The following ADGRA2 variants were observed in gnomAD, a reference collection of about 807,000 sequenced individuals.
ADGRA2 encodes the protein adhesion G protein-coupled receptor A2, also known as G-protein coupled receptor 124.
Under a neutral mutation model 98.7 loss-of-function variants are expected in ADGRA2, and 61 were observed. That is an observed-to-expected ratio of 0.62 (90% CI 0.50 to 0.76). ADGRA2 has a LOEUF of 0.76. Ranked by LOEUF, ADGRA2 falls within the 30% of genes least tolerant of loss-of-function variation. ADGRA2 has a pLI of 0.00. For synonymous variants in ADGRA2, 858 were observed against 831.5 expected (o/e 1.03, Z -0.55); for missense variants, 1,712 against 1,860.0 (o/e 0.92, Z 1.46).
chr8:37,833,001 TC>T lies in ADGRA2; in HGVS notation c.1098-3del. Reference sequence around the variant, plus strand: ...CGGTTCATCGGCAACTTCCTGCCTCTCCCCCCAGGTGGCCCCGAACTCTGGC... The same window carrying T: ...CGGTTCATCGGCAACTTCCTGCCTCTCCCCCAGGTGGCCCCGAACTCTGGC... On this transcript the variant is annotated splice_polypyrimidine_tract_variant and splice_region_variant and intron_variant, in intron 8 of 18. Coordinates refer to ENST00000412232, the MANE Select transcript of ADGRA2 (RefSeq NM_032777.10). 1 of 1,606,880 alleles carries T rather than the reference TC, an allele frequency of 6.2e-7. No homozygotes were observed. Among genetic ancestry groups the T allele is most frequent in the Non-Finnish European group, 8.5e-7 (1 of 1,176,004 alleles).
At chr8:37,832,927 C>T (rs763799119) in intron 8 of ADGRA2, 83 bp from the exon 9 acceptor site, 277 of 1,077,582 alleles carry the variant, frequency 2.6e-4, no homozygotes, top group Non-Finnish European at 3.6e-4. Context: ...CCAAGGAGTC[C>T]GGCCTCACCG....
Position 37,828,948 on chromosome 8 carries a change from G to A in ADGRA2, c.399G>A (p.Glu133=), listed in dbSNP as rs1168616517. The A allele has an allele frequency of 3.2e-6, 5 of 1,576,392 alleles. No homozygotes were observed. Among genetic ancestry groups the A allele is most frequent in the Admixed American group, 1.9e-5 (1 of 53,074 alleles). The change falls in exon 3 of 19, where the codon GAG becomes GAA. Residue 133 remains glutamate, a synonymous_variant. Transcript: ENST00000412232. The stretch of plus-strand genomic sequence containing the variant: ...CGGGCGCCTTCCTGGGCCTGGGGGA[G>A]CTGAAGCGTTTGTGAGTGGCACGCC... ...VQPGAFLGLG[E]LKRLDLSNNR... is the part of the protein sequence containing the mutation.
At position 37,837,773 on chromosome 8, in the gene ADGRA2, C is replaced by T. The variant is rs575195976; in HGVS notation, c.2093C>T (p.Ser698Leu). The change falls in exon 14 of 19, where the codon TCG (serine) becomes TTG (leucine). Residue 698 changes from serine (S) to leucine (L), a missense_variant. By Grantham distance (145) the Ser-to-Leu change is moderately radical (BLOSUM62 -2). Coordinates refer to ENST00000412232, the MANE Select transcript of ADGRA2 (RefSeq NM_032777.10). ...VGNLTEPVAV[S>L]LRHWAEGAEP... ...AACCTGACAGAGCCAGTGGCCGTTT[C>T]GCTGCGGCACTGGGCTGAGGGAGCC... 32 of 1,552,366 alleles carry T rather than the reference C, an allele frequency of 2.1e-5. No individual in the cohort carries two copies. In the South Asian group the frequency reaches 3.3e-4, roughly 16 times the overall value.
rs187406227 is a variant in ADGRA2, at chr8:37,822,719, G to T, written c.339-6169G>T. Among the ~76,000 whole-genome samples the T allele has an allele frequency of 9.6e-4, 146 of 152,204 alleles. 3 individuals are homozygous for T. Among genetic ancestry groups the T allele is most frequent in the East Asian group, 4.2e-3 (22 of 5,180 alleles). Reference sequence around the variant, plus strand: ...GGACATTTTATATAAATGAAATCATGCAATAGGTAATCTTTCATAACTCGA... The same window carrying T: ...GGACATTTTATATAAATGAAATCATTCAATAGGTAATCTTTCATAACTCGA... On this transcript the variant is annotated intron_variant, in intron 2 of 18. Coordinates refer to ENST00000412232, the MANE Select transcript of ADGRA2 (RefSeq NM_032777.10).
In ADGRA2 at chr8:37,841,863, C is replaced by T. The variant is rs894876775; in HGVS notation, c.3525C>T (p.Asn1175=). 3.7e-5 allele frequency: 57 copies of T among 1,534,656 alleles called. No homozygotes were observed. Among genetic ancestry groups the T allele is most frequent in the Non-Finnish European group, 4.4e-5 (51 of 1,146,742 alleles). The change falls in exon 19 of 19, where the codon AAC becomes AAT. Residue 1175 remains asparagine (N), a synonymous_variant. Coordinates refer to ENST00000412232, the MANE Select transcript of ADGRA2 (RefSeq NM_032777.10). The surrounding 1 kb of genome is among the most constrained non-coding windows in gnomAD (Gnocchi z 5.0). The stretch of plus-strand genomic sequence containing the variant: ...ACCTCGCCCACCGCCACCCCAACAA[C>T]GTGCACCACGGGCGTCGGGCGCACA... ...RGNLAHRHPN[N]VHHGRRAHKS...
rs781535229 is a variant in ADGRA2, at chr8:37,839,621, C to G, written c.2510C>G (p.Ala837Gly). Residue 837 changes from alanine (A) to glycine (G), a missense_variant and splice_region_variant, in exon 16 of 19, where the codon GCG (alanine) becomes GGG (glycine). Physicochemically the swap from Ala to Gly is moderately conservative, Grantham distance 60 (BLOSUM62 0). Coordinates refer to ENST00000412232, the MANE Select transcript of ADGRA2 (RefSeq NM_032777.10). ...ACCAACTACCAGATGGTCTGCCAGG[C>G]GGTAAGCAGGAGAAGGGGCTCTGGG... Reference protein sequence around the residue: ...TLTNYQMVCQAVGITLHYSSL... With the variant: ...TLTNYQMVCQGVGITLHYSSL... The G allele has an allele frequency of 6.2e-7, 1 of 1,613,720 alleles. No individual in the cohort carries two copies. Among genetic ancestry groups the G allele is most frequent in the East Asian group, 2.2e-5 (1 of 44,874 alleles).
intron 1 of ADGRA2, among the ~76,000 whole-genome samples, chr8:37,810,825 C>T (rs551467461): frequency 2.1e-3 from 322 of 152,086 alleles, no homozygotes; most frequent in African/African-American, 7.5e-3. Flanking sequence ...TCAAAATGAA[C>T]TTTTAGGCTG....
At chr8:37,837,356 G>A (rs1039997848) in intron 13 of ADGRA2, among the ~76,000 whole-genome samples, 2 of 79,760 alleles carry the variant, frequency 2.5e-5, no homozygotes, top group Admixed American at 2.7e-4. Context: ...TCTCCATCCC[G>A]CCCGCCTCCC....
rs1196327636 is a variant in ADGRA2, at chr8:37,842,770, C to T, written c.*415C>T. The T allele has an allele frequency of 5.9e-6, 1 of 169,032 alleles. No individual in the cohort carries two copies. The highest frequency in any genetic ancestry group is 1.3e-5 in the Non-Finnish European group (1 of 79,564). The allele number at this position is 169,032 out of a possible 1,614,324, so 10.5% of individuals were successfully genotyped here. A position where few individuals can be genotyped will look rare whatever the true frequency, so the allele number is the denominator to read the frequency against. ...GGAACTGTGTTCTTTCCTCCCTGCC[C>T]TCTACTGATTTCAGCCCAGCCCCTG... On this transcript the variant is annotated 3_prime_UTR_variant, in exon 19 of 19. Coordinates refer to ENST00000412232, the MANE Select transcript of ADGRA2 (RefSeq NM_032777.10).
In ADGRA2 at chr8:37,830,010, C is replaced by A; in HGVS notation, c.714C>A (p.Cys238Ter). Residue 238 changes from cysteine to a stop codon, truncating the protein, a stop_gained, in exon 6 of 19, where the codon TGC becomes TGA. Transcript: ENST00000412232. LOFTEE classifies it high-confidence loss of function. The surrounding 1 kb of genome is among the most constrained non-coding windows in gnomAD (Gnocchi z 4.8). ...ALGSLQEAQL[C>*]CEGALELHTH... is the part of the protein sequence containing the mutation. ...GCAGCCTCCAGGAGGCCCAGCTCTG[C>A]TGCGGTGAGCAAGTCCCCCCAGCTA... 6.5e-7 allele frequency: 1 copy of A among 1,546,936 alleles called. No homozygotes were observed. Among genetic ancestry groups the A allele is most frequent in the Non-Finnish European group, 8.7e-7 (1 of 1,148,414 alleles).
At chr8:37,821,890 T>G (rs1383722549) in intron 2 of ADGRA2, among the ~76,000 whole-genome samples, 1 of 152,120 alleles carries the variant, frequency 6.6e-6, no homozygotes, top group African/African-American at 2.4e-5. Context: ...CAACGCCAGG[T>G]GGCTTCCATT....
intron 13 of ADGRA2, among the ~76,000 whole-genome samples, chr8:37,837,411 T>C (rs1805651106): frequency 2.1e-5 from 3 of 143,164 alleles, no homozygotes; most frequent in South Asian, 4.7e-4. Flanking sequence ...TCCATCTGCA[T>C]TTCTGTGTTC....
intron 15 of ADGRA2, 111 bp downstream of exon 15, chr8:37,839,194 A>G (rs920689769): frequency 1.4e-6 from 2 of 1,432,982 alleles, no homozygotes; most frequent in African/African-American, 1.4e-5. Flanking sequence ...CAGCTTTGCA[A>G]TGGGGGAGGG....
chr8:37,838,826 C>T lies in ADGRA2; in HGVS notation c.2260-130C>T, dbSNP rs556387346. 4.4e-5 allele frequency: 49 copies of T among 1,123,426 alleles called. No individual in the cohort carries two copies. In the African/African-American group the frequency reaches 6.2e-4, roughly 14 times the overall value. The allele number at this position is 1,123,426 out of a possible 1,614,324, so 69.6% of individuals were successfully genotyped here. On this transcript the variant is annotated intron_variant, in intron 14 of 18. Coordinates refer to ENST00000412232, the MANE Select transcript of ADGRA2 (RefSeq NM_032777.10). ...TAAGAGTGGACAGCCCGAAGCTTTC[C>T]TCCCTGCCCAGATGAACTAAGCACC...
In ADGRA2 at chr8:37,806,526, C is replaced by CTTTTTTTTTTTTTTTTTT. The variant is rs533491458; in HGVS notation, c.267-8354_267-8353insTTTTTTTTTTTTTTTTTT. ...CTTTTTCTTTTTCTTTTTTCTTTTT[C>CTTTTTTTTTTTTTTTTTT]TTTTTTTTTTTTTTTTGAGACAGAG... On this transcript the variant is annotated intron_variant, in intron 1 of 18. Coordinates refer to ENST00000412232, the MANE Select transcript of ADGRA2 (RefSeq NM_032777.10). 3.3e-3 allele frequency among the ~76,000 whole-genome samples: 330 copies of CTTTTTTTTTTTTTTTTTT among 100,322 alleles called. 30 individuals carry two copies. The highest frequency in any genetic ancestry group is 0.012 in the African/African-American group (235 of 19,472). The allele number at this position is 100,322 out of a possible 152,430, so 65.8% of individuals were successfully genotyped here. A position where few individuals can be genotyped will look rare whatever the true frequency, so the allele number is the denominator to read the frequency against.
chr8:37,797,457 G>A lies in ADGRA2; in HGVS notation c.189G>A (p.Arg63=). 7.0e-7 allele frequency: 1 copy of A among 1,420,080 alleles called. No homozygotes were observed. The highest frequency in any genetic ancestry group is 9.2e-7 in the Non-Finnish European group (1 of 1,086,556). The allele number at this position is 1,420,080 out of a possible 1,614,324, so 88.0% of individuals were successfully genotyped here. Residue 63 remains arginine, a synonymous_variant, in exon 1 of 19, where the codon CGG becomes CGA. Coordinates refer to ENST00000412232, the MANE Select transcript of ADGRA2 (RefSeq NM_032777.10). The surrounding 1 kb of genome is among the most constrained non-coding windows in gnomAD (Gnocchi z 5.3). ...GCGGCGGCGTCCCTGGCCCGGCTCG[G>A]CGGAGGGTGGTGTGCAGCGGCGGGG... The part of the protein sequence containing the change: ...GLSGGVPGPA[R]RRVVCSGGDL...
At chr8:37,803,316 G>T (rs981516311) in intron 1 of ADGRA2, among the ~76,000 whole-genome samples, 1 of 152,132 alleles carries the variant, frequency 6.6e-6, no homozygotes, top group Non-Finnish European at 1.5e-5. Context: ...GAGAGTTCCC[G>T]GACAGCCTGG....
intron 1 of ADGRA2, among the ~76,000 whole-genome samples, chr8:37,798,674 C>A (rs931000896): frequency 6.6e-6 from 1 of 152,252 alleles, no homozygotes; most frequent in African/African-American, 2.4e-5. Context: ...CCGCCCCTTG[C>A]CCGCAGTCGG....
chr8:37,815,605 A>G (rs1443399877), intron 2 of ADGRA2, among the ~76,000 whole-genome samples: 1 of 152,168 alleles, frequency 6.6e-6, no homozygotes, highest in Non-Finnish European at 1.5e-5. Flanking sequence ...GAAGAGGGTT[A>G]TCGAGGAGGA....
Sources: gnomAD v4.1 joint callset for allele counts (sites outside exome capture counted in the v4.1 genomes callset) on GRCh38, gnomAD v4.1.1 for gene constraint, Gnocchi (gnomAD v3.1) non-coding constraint, MANE v1.5 for transcripts, NCBI Gene and HGNC (gene_info 2026-07-23, HGNC 2026-07-21) for gene names.